The following DPP6 variants were observed in gnomAD, a reference collection of about 807,000 sequenced individuals.
DPP6 encodes A-type potassium channel modulatory protein DPP6.
DPP6 carries 69 observed loss-of-function variants against 122.6 expected under a neutral mutation model. The ratio of observed to expected loss-of-function variants is 0.56; its 90% CI spans 0.46 to 0.69. The LOEUF (loss-of-function observed/expected upper bound fraction) is 0.69. Ranked by LOEUF, DPP6 falls within the 30% of genes least tolerant of loss-of-function variation. DPP6 has a pLI of 0.00. For synonymous variants in DPP6, 418 were observed against 433.1 expected, an observed-to-expected ratio of 0.97 and a Z score of 0.43; for missense variants, 928 against 1,116.9, an observed-to-expected ratio of 0.83 and a Z score of 2.41.
At chr7:153,783,174 A>G in the DPP6 span, among the ~76,000 whole-genome samples, 2 of 152,212 alleles carry the variant, frequency 1.3e-5, no homozygotes, top group African/African-American at 4.8e-5. Flanking sequence ...AATAGTGTGT[A>G]TTAGTCTGTT....
At chr7:153,942,222 C>T (rs1801728685) in intron 1 of DPP6, among the ~76,000 whole-genome samples, 2 of 152,238 alleles carry the variant, frequency 1.3e-5, no homozygotes, top group African/African-American at 4.8e-5. Flanking sequence ...GTGCCAGGCA[C>T]CACCCCACGC....
At chr7:154,128,650 A>G (rs1293799398) in intron 1 of DPP6, among the ~76,000 whole-genome samples, 2 of 152,054 alleles carry the variant, frequency 1.3e-5, no homozygotes, top group East Asian at 1.9e-4. Context: ...CGGCCTCCCA[A>G]AGTGCTGGGA....
chr7:154,706,904 G>T (rs1840860167), intron 7 of DPP6, among the ~76,000 whole-genome samples: 2 of 152,214 alleles, frequency 1.3e-5, no homozygotes, highest in Non-Finnish European at 2.9e-5. Context: ...GGTCTTTAGA[G>T]TGGTGTTGGG....
intron 1 of DPP6, among the ~76,000 whole-genome samples, chr7:154,194,173 C>T (rs909458053): frequency 4.6e-5 from 7 of 152,136 alleles, no homozygotes; most frequent in Admixed American, 1.3e-4. Flanking sequence ...GGTGCCGTCA[C>T]TGTTGGTATA....
chr7:154,652,019 A>G (rs1405788810), intron 6 of DPP6, among the ~76,000 whole-genome samples: 3 of 152,342 alleles, frequency 2.0e-5, no homozygotes, highest in Admixed American at 1.3e-4. Flanking sequence ...TAAAGGAAGG[A>G]CAGAAAAGGT....
In DPP6 at chr7:154,015,995, A is replaced by G. The variant is rs1485006495; in HGVS notation, c.51+128261A>G. 2.6e-5 allele frequency among the ~76,000 whole-genome samples: 4 copies of G among 152,060 alleles called. No homozygotes were observed. In the East Asian group the frequency reaches 7.7e-4, roughly 29 times the overall value. ...CCCTTATAAGACCCCTTTTCCCTGCACACTCCATGCTCTGGCCATATCGGC... is the reference window on the plus strand; with the variant it reads ...CCCTTATAAGACCCCTTTTCCCTGCGCACTCCATGCTCTGGCCATATCGGC... On this transcript the variant is annotated intron_variant, in intron 1 of 25. Transcript: ENST00000404039.
intron 1 of DPP6, among the ~76,000 whole-genome samples, chr7:153,958,129 G>A (rs892656695): frequency 5.9e-5 from 9 of 152,026 alleles, no homozygotes; most frequent in South Asian, 4.1e-4. Context: ...ACACCACTGC[G>A]CTCCAGCCTG....
chr7:154,883,134 C>G (rs558823152), intron 21 of DPP6, among the ~76,000 whole-genome samples: 1 of 151,144 alleles, frequency 6.6e-6, no homozygotes, highest in East Asian at 2.0e-4. Flanking sequence ...CACATACACA[C>G]ACATGCTCAC....
chr7:153,964,779 CTCCTTTCCTTTCCTT>C (rs200745389), intron 1 of DPP6, among the ~76,000 whole-genome samples: 1,266 of 114,656 alleles, frequency 0.011, 36 homozygotes, highest in Middle Eastern at 0.043. Flanking sequence ...TTCTCCGTGG[CTCCTTTCCTTTCCTT>C]TCCTTTCCTT....
At chr7:154,063,132 C>A (rs1377975654) in intron 1 of DPP6, among the ~76,000 whole-genome samples, 26 of 132,014 alleles carry the variant, frequency 2.0e-4, no homozygotes, top group African/African-American at 6.5e-4. Flanking sequence ...GAGGCACCCC[C>A]CACGAGAGTG....
the DPP6 span, among the ~76,000 whole-genome samples, chr7:153,867,609 G>A: frequency 9.8e-5 from 15 of 152,306 alleles, no homozygotes; most frequent in Admixed American, 8.5e-4. Context: ...GGGACAATTT[G>A]ACTTCCTCTT....
At chr7:154,337,781 G>A (rs968346890) in intron 1 of DPP6, among the ~76,000 whole-genome samples, 2 of 152,206 alleles carry the variant, frequency 1.3e-5, no homozygotes, top group African/African-American at 2.4e-5. Context: ...GAAGGCTCAC[G>A]CCCAGGGAGA....
chr7:154,079,571 C>T (rs11762403), intron 1 of DPP6, among the ~76,000 whole-genome samples: 32,271 of 151,876 alleles, frequency 0.21, 4,017 homozygotes, highest in Admixed American at 0.28. Context: ...TGGGGGATAA[C>T]GGGTGAAAGG....
At chr7:154,673,603 A>G (rs905585843) in intron 7 of DPP6, among the ~76,000 whole-genome samples, 2 of 152,152 alleles carry the variant, frequency 1.3e-5, no homozygotes, top group African/African-American at 4.8e-5. Context: ...GTTTATGACA[A>G]ATGACAAGAT....
At position 154,875,773 on chromosome 7, in the gene DPP6, G is replaced by T; in HGVS notation, c.1884-133G>T. 7.7e-7 allele frequency: 1 copy of T among 1,301,390 alleles called. No individual in the cohort carries two copies. The highest frequency in any genetic ancestry group is 1.0e-6 in the Non-Finnish European group (1 of 962,892). 80.6% of individuals were successfully genotyped at this position (1,301,390 alleles called of 1,614,324 possible). A position where few individuals can be genotyped will look rare whatever the true frequency, so the allele number is the denominator to read the frequency against. On this transcript the variant is annotated intron_variant, in intron 19 of 25. Coordinates refer to ENST00000377770, the MANE Select transcript of DPP6 (RefSeq NM_130797.4). This position sits in a 1 kb window ranked among gnomAD's most constrained non-coding sequence, Gnocchi z 4.5. The stretch of plus-strand genomic sequence containing the variant: ...CACCTGCCCGGGGCAACAGAATCTG[G>T]GGTATGGAGTTGAGCGTGTGGCAGC...
chr7:154,504,223 G>A (rs1825488713), intron 3 of DPP6, among the ~76,000 whole-genome samples: 1 of 152,128 alleles, frequency 6.6e-6, no homozygotes, highest in Non-Finnish European at 1.5e-5. Flanking sequence ...CTGGAGAATT[G>A]ATGGCGAGGC....
intron 10 of DPP6, among the ~76,000 whole-genome samples, chr7:154,788,796 C>T (rs1483480618): frequency 6.6e-6 from 1 of 152,190 alleles, no homozygotes; most frequent in Non-Finnish European, 1.5e-5. Context: ...TCTGGTTTCT[C>T]TGTAGAAGCA....
intron 16 of DPP6, among the ~76,000 whole-genome samples, chr7:154,812,134 C>G (rs1186049680): frequency 6.6e-6 from 1 of 152,132 alleles, no homozygotes; most frequent in Non-Finnish European, 1.5e-5. Context: ...AAGGTGGATA[C>G]CAACCAGCCA....
chr7:154,641,444 G>A (rs937001), intron 6 of DPP6, among the ~76,000 whole-genome samples: 107,572 of 152,082 alleles, frequency 0.71, 38,260 homozygotes, highest in East Asian at 0.82. Flanking sequence ...ATCTTCCATG[G>A]TGGAGTCAAG....
Sources: allele counts gnomAD v4.1 joint callset (sites outside exome capture counted in the v4.1 genomes callset), GRCh38; gene constraint gnomAD v4.1.1; non-coding constraint Gnocchi (gnomAD v3.1); transcripts MANE v1.5; gene names NCBI Gene and HGNC (gene_info 2026-07-23, HGNC 2026-07-21).